The following SMG1 variants were observed in gnomAD, a reference collection of about 807,000 sequenced individuals.
The protein encoded by SMG1 is SMG1 nonsense mediated mRNA decay associated PI3K related kinase, also known as serine/threonine-protein kinase SMG1.
In SMG1, 22 loss-of-function variants were observed where a neutral mutation model predicts 419.9. That is an observed-to-expected ratio of 0.05 (90% CI 0.04 to 0.07). The LOEUF is 0.07. Ranked by LOEUF, SMG1 falls within the 10% of genes least tolerant of loss-of-function variation. The pLI is 1.00. For synonymous variants in SMG1, 1,538 were observed against 1,553.5 expected, an observed-to-expected ratio of 0.99 and a Z score of 0.23; for missense variants, 3,185 against 4,342.0, an observed-to-expected ratio of 0.73 and a Z score of 7.49.
chr16:18,812,224 C>A, intron 60 of SMG1, 97 bp from the exon 61 acceptor site: 10 of 1,134,928 alleles, frequency 8.8e-6, no homozygotes, highest in Non-Finnish European at 1.1e-5. Flanking sequence ...GGTTGATACC[C>A]CAATTAAATA....
chr16:18,914,969 G>GC (rs2037917149), intron 1 of SMG1, among the ~76,000 whole-genome samples: 1 of 145,592 alleles, frequency 6.9e-6, no homozygotes, highest in South Asian at 2.2e-4. Flanking sequence ...CTGAGACGGA[G>GC]TTTTTTTTCC....
intron 29 of SMG1, chr16:18,857,426 A>T (rs2034974001): frequency 6.6e-6 from 1 of 152,248 alleles, no homozygotes; most frequent in Admixed American, 6.5e-5. Flanking sequence ...TCAGAACACA[A>T]AAATAAGTCT....
At chr16:18,867,704 T>C (rs1327045172) in intron 22 of SMG1, among the ~76,000 whole-genome samples, 14 of 64,950 alleles carry the variant, frequency 2.2e-4, no homozygotes, top group African/African-American at 5.0e-4. Context: ...TAACTTCTTT[T>C]TTTTTTTTTT....
Position 18,845,383 on chromosome 16 carries a change from A to T in SMG1, c.6219+46T>A, listed in dbSNP as rs1196947860. On this transcript the variant is annotated intron_variant, in intron 39 of 62. Transcript: ENST00000446231. ...TTATTGAAATTTCGTATCTCATGGG[A>T]ACTGTGATGTGCCATTTCAGTAGCA... 2.0e-6 allele frequency: 3 copies of T among 1,507,002 alleles called. No homozygotes were observed. In the East Asian group the frequency reaches 6.8e-5, roughly 34 times the overall value. The allele number at this position is 1,507,002 out of a possible 1,614,324, so 93.4% of individuals were successfully genotyped here.
chr16:18,840,534 T>C (rs540675818), intron 41 of SMG1, among the ~76,000 whole-genome samples: 2 of 152,334 alleles, frequency 1.3e-5, no homozygotes, highest in East Asian at 3.9e-4. Flanking sequence ...GATAAGACTG[T>C]ATAAAATTTA....
At chr16:18,897,340 T>A (rs2037172114) in intron 1 of SMG1, among the ~76,000 whole-genome samples, 1 of 152,066 alleles carries the variant, frequency 6.6e-6, no homozygotes, top group South Asian at 2.1e-4. Flanking sequence ...TTCTAAATTC[T>A]CCCCCATGGA....
chr16:18,847,947 G>A lies in SMG1; in HGVS notation c.5710C>T (p.Pro1904Ser), dbSNP rs1238480471. ...LLVSECEGGS[P>S]PASQDSNKDE... is the part of the protein sequence containing the mutation. ...TTATTGCTATCCTGAGATGCAGGAG[G>A]ACTTCCTCCCTCACATTCAGAAACC... is the stretch of plus-strand genomic sequence containing the variant. The change falls in exon 37 of 63, where the codon CCT becomes TCT. Residue 1904 changes from proline (P) to serine (S), a missense_variant. Pro to Ser is a moderately conservative substitution (Grantham distance 74). Coordinates refer to ENST00000446231, the MANE Select transcript of SMG1 (RefSeq NM_015092.5). 6.2e-7 allele frequency: 1 copy of A among 1,613,972 alleles called. No homozygotes were observed. The highest frequency in any genetic ancestry group is 1.7e-4 in the Middle Eastern group (1 of 6,058).
Position 18,828,038 on chromosome 16 carries a change from G to T in SMG1, c.9734C>A (p.Thr3245Lys). The change falls in exon 55 of 63, where the codon ACA (threonine) becomes AAA (lysine). Residue 3245 changes from threonine to lysine, a missense_variant. Transcript: ENST00000446231. ...AGATCTGGCAAAACACACCTGAACT[G>T]TTGCAATAGAAGTTTCAATCTGGCT... ...TLSQIETSIA[T>K]VQEKLAALES... 6.2e-7 allele frequency: 1 copy of T among 1,611,760 alleles called. No individual in the cohort carries two copies. The highest frequency in any genetic ancestry group is 8.5e-7 in the Non-Finnish European group (1 of 1,178,788).
intron 48 of SMG1, 60 bp from the exon 49 acceptor site, chr16:18,835,224 A>G (rs563168547): frequency 6.8e-5 from 102 of 1,489,410 alleles, no homozygotes; most frequent in Non-Finnish European, 9.2e-5. Context: ...ATACAAAAGA[A>G]TATTGCATTT....
intron 38 of SMG1, among the ~76,000 whole-genome samples, chr16:18,846,810 T>C (rs1204999777): frequency 6.6e-6 from 1 of 152,234 alleles, no homozygotes; most frequent in Non-Finnish European, 1.5e-5. Context: ...GAAAAGTTTG[T>C]TGGCTCCTCA....
intron 5 of SMG1, 126 bp downstream of exon 5, chr16:18,890,737 G>A (rs1596606782): frequency 1.6e-6 from 1 of 633,948 alleles, no homozygotes; most frequent in East Asian, 2.8e-5. Context: ...AAAATGACAA[G>A]ACCCACTGAA....
chr16:18,874,574 A>C (rs1416776013), intron 13 of SMG1, among the ~76,000 whole-genome samples: 2 of 150,266 alleles, frequency 1.3e-5, no homozygotes, highest in Non-Finnish European at 3.0e-5. Context: ...AAAAAAAAAA[A>C]AAAAAAGCAG....
chr16:18,910,493 G>A (rs1205299578), intron 1 of SMG1, among the ~76,000 whole-genome samples: 1 of 150,434 alleles, frequency 6.6e-6, no homozygotes, highest in Non-Finnish European at 1.5e-5. Context: ...GACTCCCAAA[G>A]TGCTGGGATT....
chr16:18,904,867 G>A (rs539763843), intron 1 of SMG1, among the ~76,000 whole-genome samples: 61 of 152,126 alleles, frequency 4.0e-4, no homozygotes, highest in Non-Finnish European at 1.2e-4. Flanking sequence ...TCCGGGAGGC[G>A]GAGGCTGCAG....
rs1208258878 is a variant in SMG1 at position 18,807,438 on chromosome 16, T to G, written c.*2131A>C. 1 of 152,134 alleles carries G rather than the reference T, an allele frequency of 6.6e-6. No individual in the cohort carries two copies. The highest frequency in any genetic ancestry group is 1.5e-5 in the Non-Finnish European group (1 of 68,032). The allele number at this position is 152,134 out of a possible 1,614,324, so 9.4% of individuals were successfully genotyped here. A position where few individuals can be genotyped will look rare whatever the true frequency, so the allele number is the denominator to read the frequency against. On this transcript the variant is annotated 3_prime_UTR_variant, in exon 63 of 63. Coordinates refer to ENST00000446231, the MANE Select transcript of SMG1 (RefSeq NM_015092.5). ...AGCTAGGTTTTTTGCGAAAATAAGG[T>G]TCCAAATGAATGAAGAAAACAAAAT...
intron 22 of SMG1, among the ~76,000 whole-genome samples, chr16:18,867,136 T>C (rs2035554828): frequency 6.6e-6 from 1 of 152,200 alleles, no homozygotes; most frequent in Non-Finnish European, 1.5e-5. Flanking sequence ...CTGCTTGACA[T>C]TACCTGAATT....
rs538949689 is a variant in SMG1 at position 18,847,434 on chromosome 16, C to T, written c.5996+19G>A. On this transcript the variant is annotated intron_variant, in intron 38 of 62. Transcript: ENST00000446231. ...AAGTGGCAGCTTCACTGTCTCAGGA[C>T]AAGTGTATGGAAACATACTTGCGTA... 6.2e-7 allele frequency: 1 copy of T among 1,612,504 alleles called. No individual in the cohort carries two copies. The highest frequency in any genetic ancestry group is 1.3e-5 in the African/African-American group (1 of 75,050).
chr16:18,847,982 T>G lies in SMG1; in HGVS notation c.5675A>C (p.Glu1892Ala). ...IPTLLGNIQGEELLVSECEGG... is the reference protein window; with the variant it reads ...IPTLLGNIQGAELLVSECEGG... ...CTCACATTCAGAAACCAGCAATTCT[T>G]CTCCTTGAATATTGCCAAGTAAAGT... The change falls in exon 37 of 63, where the codon GAA becomes GCA. Residue 1892 changes from glutamate (E) to alanine (A), a missense_variant. Around this residue, in one of 27 missense-constraint regions of SMG1, gnomAD observed 130 missense variants for 162.0 expected, o/e 0.80. Coordinates refer to ENST00000446231, the MANE Select transcript of SMG1 (RefSeq NM_015092.5). 4 of 1,613,970 alleles carry G rather than the reference T, an allele frequency of 2.5e-6. 1 individual carries two copies. In the South Asian group the frequency reaches 4.4e-5, roughly 18 times the overall value.
chr16:18,830,093 A>T lies in SMG1; in HGVS notation c.8966T>A (p.Ile2989Lys). ...VEKLNKMEIP[I>K]AWRKIDIIRE... ...TATGATGTCAATCTTTCGCCAAGCT[A>T]TGGGAATTTCCATCTTGTTCAACTA... is the stretch of plus-strand genomic sequence containing the variant. The change falls in exon 53 of 63, where the codon ATA becomes AAA. Residue 2989 changes from isoleucine (I) to lysine (K), a missense_variant. Around this residue, in one of 27 missense-constraint regions of SMG1, gnomAD observed 737 missense variants for 846.6 expected, o/e 0.87. Transcript: ENST00000446231. 6.2e-7 allele frequency: 1 copy of T among 1,603,204 alleles called. No homozygotes were observed. The highest frequency in any genetic ancestry group is 1.1e-5 in the South Asian group (1 of 89,190).
Sources: gnomAD v4.1 joint callset for allele counts (sites outside exome capture counted in the v4.1 genomes callset) on GRCh38, gnomAD v4.1.1 for gene constraint, gnomAD v4.1.1 regional missense constraint, MANE v1.5 for transcripts, NCBI Gene and HGNC (gene_info 2026-07-23, HGNC 2026-07-21) for gene names.